STARD13: variants seen among roughly 807,000 people sequenced by gnomAD.
STARD13 encodes the protein StAR related lipid transfer domain containing 13.
A neutral mutation model predicts 106.4 loss-of-function variants in STARD13; 62 were observed. That is an observed-to-expected ratio of 0.58 (90% CI 0.48 to 0.72). The LOEUF (loss-of-function observed/expected upper bound fraction) is 0.72, where lower values mean the gene tolerates loss of function less well. Among genes scored for constraint, STARD13 ranks in the 30% least tolerant of loss-of-function variants. The pLI, the probability that STARD13 is intolerant of heterozygous loss-of-function variation, is 0.00. For synonymous variants in STARD13, 565 were observed against 553.0 expected, an observed-to-expected ratio of 1.02 and a Z score of -0.31; for missense variants, 1,387 against 1,424.0, an observed-to-expected ratio of 0.97 and a Z score of 0.42.
At chr13:33,158,117 T>C (rs192994942) in intron 3 of STARD13, among the ~76,000 whole-genome samples, 2 of 152,248 alleles carry the variant, frequency 1.3e-5, no homozygotes, top group East Asian at 3.9e-4. Flanking sequence ...ATGGTTGTCA[T>C]TCTGGAGGTC....
chr13:33,515,452 CTTTTG>C, the STARD13 span, among the ~76,000 whole-genome samples: 1 of 152,146 alleles, frequency 6.6e-6, no homozygotes, highest in African/African-American at 2.4e-5. Context: ...GGAGCATCCA[CTTTTG>C]TCCGTGTTCT....
chr13:33,549,394 A>C, the STARD13 span, among the ~76,000 whole-genome samples: 1 of 152,222 alleles, frequency 6.6e-6, no homozygotes, highest in Non-Finnish European at 1.5e-5. Context: ...CATCACCTGG[A>C]AACTTGTTAG....
In STARD13 at chr13:33,111,822, G is replaced by T; in HGVS notation, c.2563C>A (p.Gln855Lys). The T allele has an allele frequency of 6.2e-7, 1 of 1,614,132 alleles. No individual in the cohort carries two copies. Among genetic ancestry groups the T allele is most frequent in the South Asian group, 1.1e-5 (1 of 91,074 alleles). ...TCCATGATCATGTGCGCTAGCCCCTGAGCTGCTGCCAGATTCTCGTTGAGG... is the reference window on the plus strand; with the variant it reads ...TCCATGATCATGTGCGCTAGCCCCTTAGCTGCTGCCAGATTCTCGTTGAGG... ...KDLNENLAAA[Q>K]GLAHMIMECD... Residue 855 changes from glutamine to lysine, a missense_variant, in exon 10 of 14, where the codon CAG (glutamine) becomes AAG (lysine). Physicochemically the swap from Gln to Lys is moderately conservative, Grantham distance 53 (BLOSUM62 1). Transcript: ENST00000336934.
the STARD13 span, among the ~76,000 whole-genome samples, chr13:33,528,231 T>TATATATATACATATATATATATAC: frequency 1.5e-5 from 2 of 130,700 alleles, no homozygotes; most frequent in African/African-American, 7.1e-5. Flanking sequence ...TGTGTGTATA[T>TATATATATACATATATATATATAC]ATATATATAT....
the STARD13 span, among the ~76,000 whole-genome samples, chr13:33,512,871 C>T: frequency 6.6e-6 from 1 of 152,270 alleles, no homozygotes; most frequent in South Asian, 2.1e-4. Context: ...ATTCTCCCTC[C>T]CAGTCCTCAG....
chr13:33,335,677 C>G (rs1391980572), intron 1 of STARD13, among the ~76,000 whole-genome samples: 3 of 152,244 alleles, frequency 2.0e-5, no homozygotes, highest in Admixed American at 6.5e-5. Context: ...GCACAGCAAG[C>G]AACCAACGAG....
the STARD13 span, among the ~76,000 whole-genome samples, chr13:33,627,613 G>A: frequency 6.6e-6 from 1 of 151,664 alleles, no homozygotes; most frequent in Non-Finnish European, 1.5e-5. Context: ...TTCTAGCCTG[G>A]GTGACAGAGC....
rs763029690 is a variant in STARD13 at position 33,274,673 on chromosome 13, C to T, written c.169+10797G>A. ...CATGATAGAAGAGAAAATGTAGAAC[C>T]GGAAGACTTAGGTGACTTATCTAAG... On this transcript the variant is annotated intron_variant, in intron 1 of 13. Transcript: ENST00000336934. Among the ~76,000 whole-genome samples, 10 of 152,218 alleles carry T rather than the reference C, an allele frequency of 6.6e-5. No homozygotes were observed. The Middle Eastern group carries it at 0.017, about 259-fold the overall frequency.
chr13:33,289,661 C>T (rs1465150915), upstream of STARD13, among the ~76,000 whole-genome samples: 1 of 152,088 alleles, frequency 6.6e-6, no homozygotes, highest in African/African-American at 2.4e-5. Context: ...TCATCCTAAT[C>T]CTATTTAACT....
At chr13:33,116,347 C>T (rs1875371511) in intron 8 of STARD13, among the ~76,000 whole-genome samples, 1 of 152,184 alleles carries the variant, frequency 6.6e-6, no homozygotes, top group African/African-American at 2.4e-5. Flanking sequence ...TTCTTTGTAA[C>T]CTTTCTATGG....
chr13:33,386,268 T>C, the STARD13 span, among the ~76,000 whole-genome samples: 1 of 152,202 alleles, frequency 6.6e-6, no homozygotes, highest in African/African-American at 2.4e-5. Context: ...TATAAAAAGC[T>C]TCAAATTGGA....
At chr13:33,390,273 C>T in the STARD13 span, among the ~76,000 whole-genome samples, 3 of 152,182 alleles carry the variant, frequency 2.0e-5, no homozygotes, top group Non-Finnish European at 4.4e-5. Flanking sequence ...GTTCTGAAAT[C>T]TGAACCAAAG....
chr13:33,582,086 G>A, the STARD13 span, among the ~76,000 whole-genome samples: 2 of 152,094 alleles, frequency 1.3e-5, no homozygotes, highest in African/African-American at 2.4e-5. Context: ...GCTGGGCGTG[G>A]TGGTGGGTGC....
the STARD13 span, among the ~76,000 whole-genome samples, chr13:33,546,964 T>C: frequency 6.6e-6 from 1 of 152,196 alleles, no homozygotes; most frequent in Non-Finnish European, 1.5e-5. Context: ...GATAAAATAT[T>C]TTCAGTGTTT....
the STARD13 span, among the ~76,000 whole-genome samples, chr13:33,583,760 G>A: frequency 2.0e-5 from 3 of 151,864 alleles, no homozygotes; most frequent in Non-Finnish European, 4.4e-5. Flanking sequence ...TACCCAAACA[G>A]AAAGAATCTA....
In STARD13 at chr13:33,259,242, T is replaced by C. The variant is rs933564989; in HGVS notation, c.169+26228A>G. Among the ~76,000 whole-genome samples the C allele has an allele frequency of 5.3e-5, 8 of 152,338 alleles. No homozygotes were observed. The East Asian group carries it at 7.7e-4, about 15-fold the overall frequency. On this transcript the variant is annotated intron_variant, in intron 1 of 13. Transcript: ENST00000336934. ...AAATGCAGGAATGGATGAGAAAAAT[T>C]ATCTTTTGAGAAACAAACTTGTGAG...
At chr13:33,259,110 C>T (rs972585136) in intron 1 of STARD13, among the ~76,000 whole-genome samples, 2 of 152,190 alleles carry the variant, frequency 1.3e-5, no homozygotes, top group Non-Finnish European at 2.9e-5. Context: ...CTCTCTACCT[C>T]CCTCCCTTCC....
At chr13:33,164,938 C>T in intron 3 of STARD13, among the ~76,000 whole-genome samples, 1 of 152,204 alleles carries the variant, frequency 6.6e-6, no homozygotes, top group East Asian at 1.9e-4. Flanking sequence ...CCTCACCACA[C>T]ATGCTGAGCC....
At position 33,255,814 on chromosome 13, in the gene STARD13, C is replaced by G. The variant is rs556141220; in HGVS notation, c.169+29656G>C. ...TGCAACTGTGCAGGGAAGAGACCTC[C>G]AGGAGTTCTATCTACTCTGAGTTGA... On this transcript the variant is annotated intron_variant, in intron 1 of 13. Transcript: ENST00000336934. Among the ~76,000 whole-genome samples the G allele has an allele frequency of 2.0e-5, 3 of 152,246 alleles. No individual in the cohort carries two copies. In the South Asian group the frequency reaches 6.2e-4, roughly 32 times the overall value.
Sources: allele counts gnomAD v4.1 joint callset (sites outside exome capture counted in the v4.1 genomes callset), GRCh38; gene constraint gnomAD v4.1.1; transcripts MANE v1.5; gene names NCBI Gene and HGNC (gene_info 2026-07-23, HGNC 2026-07-21).